ANKRD30B: variants seen among roughly 807,000 people sequenced by gnomAD.
The protein encoded by ANKRD30B is ankyrin repeat domain-containing protein 30B.
Under a neutral mutation model 202.2 loss-of-function variants are expected in ANKRD30B, and 144 were observed. That is an observed-to-expected ratio of 0.71 (90% confidence interval 0.62 to 0.82). The LOEUF (loss-of-function observed/expected upper bound fraction) is 0.82. Among genes scored for constraint, ANKRD30B ranks in the 40% least tolerant of loss-of-function variants. The pLI is 0.00. For missense variants in ANKRD30B, 1,487 were observed against 1,669.1 expected (o/e 0.89, Z 1.90); for synonymous variants, 508 against 561.3 (o/e 0.91, Z 1.34).
rs1762905406 is a variant in ANKRD30B at position 14,840,687 on chromosome 18, C to G, written c.3079+9C>G. ...AAATGGCAAAATAGAAGGTAAGAAC[C>G]ATTTTTTATTTAAAACATCTTTTGT... On this transcript the variant is annotated intron_variant, in intron 37 of 43. Transcript: ENST00000690538. 7.0e-7 allele frequency: 1 copy of G among 1,436,432 alleles called. No individual in the cohort carries two copies. Among genetic ancestry groups the G allele is most frequent in the Admixed American group, 2.3e-5 (1 of 43,848 alleles). 89.0% of individuals were successfully genotyped at this position (1,436,432 alleles called of 1,614,324 possible). A position where few individuals can be genotyped will look rare whatever the true frequency, so the allele number is the denominator to read the frequency against.
chr18:14,780,091 A>T, intron 11 of ANKRD30B, 70 bp downstream of exon 11: 1 of 1,214,446 alleles, frequency 8.2e-7, no homozygotes, highest in East Asian at 2.6e-5. Flanking sequence ...ATGCAAAATC[A>T]GAGGCTTTGA....
chr18:14,892,996 A>G, the ANKRD30B span, among the ~76,000 whole-genome samples: 5 of 152,162 alleles, frequency 3.3e-5, no homozygotes, highest in African/African-American at 1.2e-4. Flanking sequence ...GGTTAAGGAT[A>G]CCAAAAATTC....
At chr18:14,845,395 G>C (rs1482441743) in intron 39 of ANKRD30B, among the ~76,000 whole-genome samples, 2 of 152,262 alleles carry the variant, frequency 1.3e-5, no homozygotes, top group Non-Finnish European at 2.9e-5. Flanking sequence ...AGATCAGAGG[G>C]TAATTTTCAC....
chr18:14,766,745 A>G (rs1229840301), intron 7 of ANKRD30B, among the ~76,000 whole-genome samples: 1 of 152,160 alleles, frequency 6.6e-6, no homozygotes, highest in Non-Finnish European at 1.5e-5. Context: ...TCCATGATGC[A>G]GAAGATGTAG....
intron 16 of ANKRD30B, among the ~76,000 whole-genome samples, chr18:14,793,862 C>A (rs1402024574): frequency 1.3e-5 from 2 of 151,784 alleles, no homozygotes; most frequent in Non-Finnish European, 2.9e-5. Context: ...ACACTGCACT[C>A]CAGCCTGGGC....
the ANKRD30B span, among the ~76,000 whole-genome samples, chr18:14,934,623 G>C: frequency 6.6e-6 from 1 of 152,176 alleles, no homozygotes; most frequent in Non-Finnish European, 1.5e-5. Context: ...AGAGGCTGTG[G>C]TGGAGTTGGT....
At chr18:14,866,708 T>G in the ANKRD30B span, among the ~76,000 whole-genome samples, 3 of 151,812 alleles carry the variant, frequency 2.0e-5, no homozygotes, top group African/African-American at 7.3e-5. Context: ...GGTGTGCTTT[T>G]GGGGCTGCAC....
chr18:14,850,952 C>T (rs1971857258), intron 41 of ANKRD30B, among the ~76,000 whole-genome samples: 1 of 151,860 alleles, frequency 6.6e-6, no homozygotes, highest in East Asian at 1.9e-4. Flanking sequence ...ATTGTGATAA[C>T]TAAAAGTGCT....
chr18:14,847,050 T>TTA (rs56871571), intron 39 of ANKRD30B, among the ~76,000 whole-genome samples: 4,201 of 108,816 alleles, frequency 0.039, 76 homozygotes, highest in Non-Finnish European at 0.051. Flanking sequence ...TGATTTAGTT[T>TTA]TATATATATA....
intron 24 of ANKRD30B, among the ~76,000 whole-genome samples, chr18:14,807,605 C>T (rs568192374): frequency 6.7e-6 from 1 of 148,840 alleles, no homozygotes; most frequent in Non-Finnish European, 1.5e-5. Flanking sequence ...GATCTTGACT[C>T]ACTGCCACCT....
intron 20 of ANKRD30B, 80 bp downstream of exon 20, chr18:14,797,934 T>C: frequency 2.4e-6 from 3 of 1,247,484 alleles, no homozygotes; most frequent in Non-Finnish European, 2.2e-6. Flanking sequence ...TTATTCCCAA[T>C]GTTGTTTTCT....
At chr18:14,914,542 G>A in the ANKRD30B span, among the ~76,000 whole-genome samples, 1 of 152,184 alleles carries the variant, frequency 6.6e-6, no homozygotes, top group Non-Finnish European at 1.5e-5. Flanking sequence ...CAGAAATTCT[G>A]GAAGGGTATG....
chr18:14,797,978 A>T, intron 20 of ANKRD30B, 124 bp downstream of exon 20: 1 of 964,174 alleles, frequency 1.0e-6, no homozygotes, highest in Non-Finnish European at 1.5e-6. Context: ...TGATACAAAT[A>T]ATGCCAATGT....
At chr18:14,872,572 G>C in the ANKRD30B span, among the ~76,000 whole-genome samples, 1 of 152,082 alleles carries the variant, frequency 6.6e-6, no homozygotes, top group Non-Finnish European at 1.5e-5. Flanking sequence ...AAGCAACTCA[G>C]TCTCCTGCTT....
intron 4 of ANKRD30B, 101 bp from the exon 5 acceptor site, chr18:14,757,714 G>T: frequency 2.3e-6 from 3 of 1,296,350 alleles, no homozygotes; most frequent in East Asian, 5.0e-5. Context: ...GAGCACTCAA[G>T]ATACTTATGT....
intron 8 of ANKRD30B, 61 bp from the exon 9 acceptor site, chr18:14,772,095 G>A: frequency 1.8e-6 from 2 of 1,086,616 alleles, no homozygotes; most frequent in Non-Finnish European, 1.3e-6. Context: ...ATATGAACTA[G>A]CAGATTTTCT....
At chr18:14,864,728 C>T in the ANKRD30B span, among the ~76,000 whole-genome samples, 2 of 151,970 alleles carry the variant, frequency 1.3e-5, no homozygotes, top group Non-Finnish European at 2.9e-5. Context: ...AAAGCCTTCT[C>T]CCCACTCCTG....
the ANKRD30B span, among the ~76,000 whole-genome samples, chr18:14,881,177 A>G: frequency 1.3e-5 from 2 of 152,202 alleles, no homozygotes; most frequent in Non-Finnish European, 2.9e-5. Context: ...CTCAAAGGGA[A>G]TGCTTTCACC....
In ANKRD30B at chr18:14,778,707, T is replaced by C. The variant is rs182861240; in HGVS notation, c.1420+632T>C. Among the ~76,000 whole-genome samples, 63 of 152,334 alleles carry C rather than the reference T, an allele frequency of 4.1e-4. No homozygotes were observed. In the East Asian group the frequency reaches 9.1e-3, roughly 22 times the overall value. On this transcript the variant is annotated intron_variant, in intron 10 of 43. Transcript: ENST00000690538. ...AGCTGAATACCTTGTCAACAATGCA[T>C]GCTGTGATTCAGCAGACTTGGGATT...
Sources: allele counts gnomAD v4.1 joint callset (sites outside exome capture counted in the v4.1 genomes callset), GRCh38; gene constraint gnomAD v4.1.1; transcripts MANE v1.5; gene names NCBI Gene and HGNC (gene_info 2026-07-23, HGNC 2026-07-21).